AZIN1: variants seen among roughly 807,000 people sequenced by gnomAD.
AZIN1 encodes the protein antizyme inhibitor 1.
A neutral mutation model predicts 47.4 loss-of-function variants in AZIN1; 12 were observed. That is an observed-to-expected ratio of 0.25 (90% CI 0.16 to 0.41). The LOEUF (loss-of-function observed/expected upper bound fraction) is 0.41, where lower values mean the gene tolerates loss of function less well. Among genes scored for constraint, AZIN1 ranks in the 10% least tolerant of loss-of-function variants. AZIN1 has a pLI of 1.00. For missense variants in AZIN1, 410 were observed against 532.4 expected, an observed-to-expected ratio of 0.77 and a Z score of 2.26; for synonymous variants, 155 against 176.3, an observed-to-expected ratio of 0.88 and a Z score of 0.96.
intron 3 of AZIN1, among the ~76,000 whole-genome samples, chr8:102,841,453 CAGA>C (rs1471895371): frequency 1.3e-5 from 2 of 152,036 alleles, no homozygotes; most frequent in East Asian, 1.9e-4. Flanking sequence ...TGCAAAAAGT[CAGA>C]AGAATAAAGT....
chr8:102,861,473 C>T (rs1813646878), intron 1 of AZIN1, among the ~76,000 whole-genome samples: 1 of 151,898 alleles, frequency 6.6e-6, no homozygotes, highest in Non-Finnish European at 1.5e-5. Context: ...CCACCCGCCT[C>T]AGCCTCCCAA....
intron 1 of AZIN1, among the ~76,000 whole-genome samples, chr8:102,858,358 G>A (rs148421319): frequency 3.2e-4 from 49 of 152,268 alleles, no homozygotes; most frequent in Non-Finnish European, 6.3e-4. Flanking sequence ...AAAATTCACA[G>A]AACTTGATGT....
At chr8:102,834,929 A>G (rs1488484226) in intron 6 of AZIN1, 182 bp from the exon 7 acceptor site, 1 of 535,020 alleles carries the variant, frequency 1.9e-6, no homozygotes, top group Non-Finnish European at 3.3e-6. Flanking sequence ...CCAGCTTTAT[A>G]GAAAAGGCAA....
intron 6 of AZIN1, 51 bp from the exon 7 acceptor site, chr8:102,834,798 C>A (rs1416977280): frequency 8.0e-7 from 1 of 1,253,660 alleles, no homozygotes; most frequent in Admixed American, 1.9e-5. Context: ...TGTAGAGACA[C>A]CTCCTGTAAT....
chr8:102,842,076 G>A (rs918330054), intron 3 of AZIN1, among the ~76,000 whole-genome samples: 18 of 151,490 alleles, frequency 1.2e-4, no homozygotes, highest in Non-Finnish European at 2.2e-4. Context: ...GCACCACTGC[G>A]CTCCAGCCTG....
In AZIN1 at chr8:102,838,728, T is replaced by C. The variant is rs960783354; in HGVS notation, c.449+16A>G. On this transcript the variant is annotated intron_variant, in intron 5 of 11. Transcript: ENST00000337198. ...AGTGCTAAATAATATTTTCAAGTACTTAATTTTATACTTACTTGGCATTTG... is the reference window on the plus strand; with the variant it reads ...AGTGCTAAATAATATTTTCAAGTACCTAATTTTATACTTACTTGGCATTTG... 1 of 1,597,282 alleles carries C rather than the reference T, an allele frequency of 6.3e-7. No homozygotes were observed. Among genetic ancestry groups the C allele is most frequent in the Admixed American group, 1.7e-5 (1 of 58,214 alleles).
chr8:102,834,321 A>ATTTTTT (rs1811677204), intron 7 of AZIN1, 58 bp from the exon 8 acceptor site: 2 of 1,438,496 alleles, frequency 1.4e-6, no homozygotes, highest in African/African-American at 2.8e-5. Context: ...ATATGAGAAC[A>ATTTTTT]TTTTAAAAAC....
At chr8:102,831,576 G>A (rs886241409) in intron 9 of AZIN1, among the ~76,000 whole-genome samples, 1 of 150,178 alleles carries the variant, frequency 6.7e-6, no homozygotes, top group South Asian at 2.1e-4. Flanking sequence ...CTGGGAGGTG[G>A]AGGTTGCAGT....
intron 3 of AZIN1, among the ~76,000 whole-genome samples, chr8:102,841,943 T>A (rs1255903981): frequency 6.6e-6 from 1 of 151,846 alleles, no homozygotes; most frequent in African/African-American, 2.4e-5. Context: ...AAACCCTGTC[T>A]CTACTAAAAA....
chr8:102,837,226 G>A (rs1811879769), intron 5 of AZIN1, among the ~76,000 whole-genome samples: 1 of 152,104 alleles, frequency 6.6e-6, no homozygotes, highest in Non-Finnish European at 1.5e-5. Context: ...AACCCAGAAA[G>A]CTTTTTAAAA....
At chr8:102,853,912 G>T (rs189574512) in intron 2 of AZIN1, among the ~76,000 whole-genome samples, 1 of 152,210 alleles carries the variant, frequency 6.6e-6, no homozygotes, top group Admixed American at 6.5e-5. Flanking sequence ...TATCAAAACT[G>T]AAATTTTCCC....
At chr8:102,853,003 A>G (rs923027752) in intron 2 of AZIN1, among the ~76,000 whole-genome samples, 9 of 152,358 alleles carry the variant, frequency 5.9e-5, no homozygotes, top group African/African-American at 1.4e-4. Context: ...CATAGATGCA[A>G]TATCTCATTT....
intron 9 of AZIN1, among the ~76,000 whole-genome samples, chr8:102,832,755 C>T (rs1811543501): frequency 1.3e-5 from 2 of 152,030 alleles, no homozygotes; most frequent in Non-Finnish European, 1.5e-5. Flanking sequence ...ATTTTTGTGC[C>T]TCAGCCTCCC....
rs567841769 is a variant in AZIN1 at position 102,850,515 on chromosome 8, T to G, written c.-95-6768A>C. On this transcript the variant is annotated intron_variant, in intron 2 of 11. Coordinates refer to ENST00000337198, the MANE Select transcript of AZIN1 (RefSeq NM_148174.4). ...TCTAAAGAATGACATCTACCATAGA[T>G]GTGAGACCTTGAGTAGGTCTGAAAC... Among the ~76,000 whole-genome samples the G allele has an allele frequency of 4.6e-5, 7 of 152,292 alleles. No individual in the cohort carries two copies. In the East Asian group the frequency reaches 1.2e-3, roughly 25 times the overall value.
At chr8:102,861,384 C>G (rs1260802747) in intron 1 of AZIN1, among the ~76,000 whole-genome samples, 1 of 151,886 alleles carries the variant, frequency 6.6e-6, no homozygotes, top group African/African-American at 2.4e-5. Flanking sequence ...CCAGCCACCA[C>G]GCCCGGCTAA....
At chr8:102,855,295 T>C (rs1360501641) in intron 2 of AZIN1, 2 of 152,094 alleles carry the variant, frequency 1.3e-5, no homozygotes, top group East Asian at 1.9e-4. Flanking sequence ...CCTGACCTCA[T>C]GTAATCCGCC....
intron 2 of AZIN1, chr8:102,855,339 T>A (rs143704737): frequency 6.6e-6 from 1 of 152,234 alleles, no homozygotes; most frequent in African/African-American, 2.4e-5. Context: ...GGATTACAGG[T>A]GTGAGCCACC....
rs777230773 is a variant in AZIN1, at chr8:102,839,706, G to A, written c.220C>T (p.Pro74Ser). Residue 74 changes from proline to serine, a missense_variant, in exon 4 of 12, where the codon CCA becomes TCA. Physicochemically the swap from Pro to Ser is moderately conservative, Grantham distance 74. Around this residue, in one of 3 missense-constraint regions of AZIN1, gnomAD observed 237 missense variants for 309.4 expected, o/e 0.77. Transcript: ENST00000337198. ...GCTGCCAAAATCTCAAGTACAGCTG[G>A]AGCAGAGTTGCACTTCACTGTGTAG... ...PFYTVKCNSA[P>S]AVLEILAALG... 1.2e-6 allele frequency: 2 copies of A among 1,604,820 alleles called. No homozygotes were observed. The highest frequency in any genetic ancestry group is 1.7e-6 in the Non-Finnish European group (2 of 1,174,930).
At chr8:102,845,463 C>G (rs1292197213) in intron 2 of AZIN1, among the ~76,000 whole-genome samples, 1 of 152,082 alleles carries the variant, frequency 6.6e-6, no homozygotes, top group Non-Finnish European at 1.5e-5. Flanking sequence ...AGACCTAATA[C>G]CTGTGCAGTG....
Sources: gnomAD v4.1 joint callset for allele counts (sites outside exome capture counted in the v4.1 genomes callset) on GRCh38, gnomAD v4.1.1 for gene constraint, gnomAD v4.1.1 regional missense constraint, MANE v1.5 for transcripts, NCBI Gene and HGNC (gene_info 2026-07-23, HGNC 2026-07-21) for gene names.